The following MCC variants were observed in gnomAD, a reference collection of about 807,000 sequenced individuals.
MCC encodes the protein colorectal mutant cancer protein.
MCC carries 90 observed loss-of-function variants against 116.2 expected under a neutral mutation model. The ratio of observed to expected loss-of-function variants is 0.77; its 90% CI spans 0.65 to 0.92. The LOEUF (loss-of-function observed/expected upper bound fraction) is 0.92, where lower values mean the gene tolerates loss of function less well. Among genes scored for constraint, MCC ranks in the 40% least tolerant of loss-of-function variants. The probability of loss-of-function intolerance (pLI) is 0.00; values close to 1 mark genes in which losing one functional copy is unlikely to be tolerated. For missense variants in MCC, 1,516 were observed against 1,312.2 expected, an observed-to-expected ratio of 1.16 and a Z score of -2.40; for synonymous variants, 578 against 510.5, an observed-to-expected ratio of 1.13 and a Z score of -1.78.
At chr5:113,488,177 G>A in intron 1 of MCC, 68 bp downstream of exon 1, 1 of 1,490,428 alleles carries the variant, frequency 6.7e-7, no homozygotes, top group Non-Finnish European at 9.0e-7. Context: ...AGGGGGCAGA[G>A]CAGGGGTCAA....
intron 2 of MCC, among the ~76,000 whole-genome samples, chr5:113,368,619 A>G (rs1200598358): frequency 1.3e-5 from 2 of 150,834 alleles, no homozygotes; most frequent in African/African-American, 4.9e-5. Context: ...TAGGAGAAAA[A>G]GTGTTTTTTT....
At chr5:113,303,630 T>C (rs1373969671) in intron 3 of MCC, among the ~76,000 whole-genome samples, 4 of 152,110 alleles carry the variant, frequency 2.6e-5, no homozygotes, top group Non-Finnish European at 4.4e-5. Context: ...GAATGGTGTG[T>C]AGGAAGTGAA....
chr5:113,109,458 CAG>C (rs775888137), intron 6 of MCC, among the ~76,000 whole-genome samples: 6 of 151,980 alleles, frequency 3.9e-5, no homozygotes, highest in Non-Finnish European at 8.8e-5. Context: ...GACGCAAATG[CAG>C]AGACAGGAGA....
intron 3 of MCC, among the ~76,000 whole-genome samples, chr5:113,227,095 T>C (rs946171901): frequency 6.6e-6 from 1 of 152,214 alleles, no homozygotes; most frequent in African/African-American, 2.4e-5. Context: ...CGATGTGATA[T>C]GACAACTTAT....
chr5:113,264,714 A>C (rs1765355991), intron 3 of MCC, among the ~76,000 whole-genome samples: 1 of 152,168 alleles, frequency 6.6e-6, no homozygotes, highest in African/African-American at 2.4e-5. Context: ...ATGATGTAAA[A>C]ATTATATGAA....
At chr5:113,130,973 C>T (rs768920842) in intron 5 of MCC, among the ~76,000 whole-genome samples, 7 of 152,250 alleles carry the variant, frequency 4.6e-5, no homozygotes, top group Admixed American at 1.3e-4. Flanking sequence ...AAGGCCTCAT[C>T]TCCAAATACC....
intron 3 of MCC, among the ~76,000 whole-genome samples, chr5:113,339,685 A>G (rs1047762980): frequency 1.3e-5 from 2 of 152,196 alleles, no homozygotes; most frequent in African/African-American, 4.8e-5. Context: ...CATATTTACA[A>G]TTGCTAGTTC....
In MCC at chr5:113,093,650, G is replaced by A. The variant is rs568925981; in HGVS notation, c.1398+8089C>T. Among the ~76,000 whole-genome samples, 30 of 152,176 alleles carry A rather than the reference G, an allele frequency of 2.0e-4. No homozygotes were observed. The South Asian group carries it at 4.4e-3, about 22-fold the overall frequency. On this transcript the variant is annotated intron_variant, in intron 8 of 18. Coordinates refer to ENST00000408903, the MANE Select transcript of MCC (RefSeq NM_001085377.2). ...AAGTGGTAGGAAATTCCTTGGAAAC[G>A]TGAGGCTAGGCAAGTATGAGACAGG...
At chr5:113,029,927 G>A (rs572802260) in intron 17 of MCC, among the ~76,000 whole-genome samples, 2 of 152,338 alleles carry the variant, frequency 1.3e-5, no homozygotes, top group Admixed American at 6.5e-5. Flanking sequence ...AGAGTGGCAA[G>A]GACTTTACTT....
chr5:113,120,945 A>G (rs565878864), intron 6 of MCC, among the ~76,000 whole-genome samples: 19 of 152,342 alleles, frequency 1.2e-4, no homozygotes, highest in African/African-American at 4.1e-4. Flanking sequence ...CCTATCATAT[A>G]GTTCCTGCCC....
At chr5:113,422,074 T>C (rs951337797) in intron 1 of MCC, among the ~76,000 whole-genome samples, 1 of 152,222 alleles carries the variant, frequency 6.6e-6, no homozygotes, top group Non-Finnish European at 1.5e-5. Flanking sequence ...AAATTATAGT[T>C]AATTCAGTCA....
chr5:113,100,518 C>A (rs933158568), intron 8 of MCC, among the ~76,000 whole-genome samples: 7 of 126,286 alleles, frequency 5.5e-5, no homozygotes, highest in Non-Finnish European at 1.1e-4. Context: ...GTCGCCCAGG[C>A]TGGAGTGCAG....
chr5:113,388,451 A>C (rs1185812572), intron 1 of MCC, among the ~76,000 whole-genome samples: 1 of 152,136 alleles, frequency 6.6e-6, no homozygotes, highest in East Asian at 1.9e-4. Flanking sequence ...GGGGCCTGGT[A>C]GGAAGTGTTT....
intron 17 of MCC, among the ~76,000 whole-genome samples, chr5:113,036,361 G>C (rs1751332791): frequency 6.6e-6 from 1 of 152,100 alleles, no homozygotes; most frequent in South Asian, 2.1e-4. Context: ...CTTAAGATTA[G>C]TCCCTGCAGA....
chr5:113,241,414 C>G (rs956743819), intron 3 of MCC, among the ~76,000 whole-genome samples: 17 of 152,132 alleles, frequency 1.1e-4, no homozygotes, highest in Non-Finnish European at 2.1e-4. Flanking sequence ...CCTAAAGAAC[C>G]TACGGAGGAG....
At chr5:113,390,220 T>C (rs1365061476) in intron 1 of MCC, among the ~76,000 whole-genome samples, 1 of 152,176 alleles carries the variant, frequency 6.6e-6, no homozygotes, top group African/African-American at 2.4e-5. Context: ...ATAACCACAG[T>C]GAATATCTGG....
intron 1 of MCC, among the ~76,000 whole-genome samples, chr5:113,409,220 A>C (rs1319768660): frequency 6.6e-6 from 1 of 152,216 alleles, no homozygotes; most frequent in Non-Finnish European, 1.5e-5. Context: ...GCTAACTATA[A>C]AAGACATTTC....
At chr5:113,325,415 G>A (rs980505932) in intron 3 of MCC, among the ~76,000 whole-genome samples, 5 of 150,572 alleles carry the variant, frequency 3.3e-5, no homozygotes, top group Admixed American at 2.6e-4. Context: ...CATTACTCGG[G>A]CTTCTCGCAG....
At chr5:113,133,771 A>C (rs1006438189) in intron 5 of MCC, among the ~76,000 whole-genome samples, 2 of 152,142 alleles carry the variant, frequency 1.3e-5, no homozygotes, top group African/African-American at 4.8e-5. Flanking sequence ...TCTTTCTTAC[A>C]TATCCTTGCC....
Sources: allele counts gnomAD v4.1 joint callset (sites outside exome capture counted in the v4.1 genomes callset), GRCh38; gene constraint gnomAD v4.1.1; transcripts MANE v1.5; gene names NCBI Gene and HGNC (gene_info 2026-07-23, HGNC 2026-07-21).